IZUMO1: variants seen among roughly 807,000 people sequenced by gnomAD.
IZUMO1 encodes izumo sperm-oocyte fusion 1, also known as izumo sperm-egg fusion protein 1.
In IZUMO1, 44 loss-of-function variants were observed where a neutral mutation model predicts 40.7. The observed-to-expected ratio is 1.08, with a 90% CI of 0.85 to 1.39. IZUMO1 has a LOEUF of 1.39. IZUMO1 is among the 40% of genes most tolerant of loss of function. IZUMO1 has a pLI of 0.00. For synonymous variants in IZUMO1, 149 were observed against 170.9 expected, an observed-to-expected ratio of 0.87 and a Z score of 1.00; for missense variants, 368 against 436.9, an observed-to-expected ratio of 0.84 and a Z score of 1.41.
chr19:48,742,540 G>A (rs1303597234), intron 6 of IZUMO1, among the ~76,000 whole-genome samples: 2 of 151,810 alleles, frequency 1.3e-5, no homozygotes, highest in Non-Finnish European at 2.9e-5. Flanking sequence ...TAGAGATGGG[G>A]TTTCACCATA....
intron 4 of IZUMO1, 49 bp downstream of exon 4, chr19:48,744,404 G>A (rs780675327): frequency 2.1e-6 from 3 of 1,441,142 alleles, no homozygotes; most frequent in Non-Finnish European, 2.9e-6. Flanking sequence ...AAGGACTCTT[G>A]GATAGTGGAA....
intron 4 of IZUMO1, 107 bp downstream of exon 4, chr19:48,744,346 G>T: frequency 8.3e-7 from 1 of 1,204,064 alleles, no homozygotes; most frequent in Non-Finnish European, 1.2e-6. Context: ...GGAGGAGGCA[G>T]TTGGGGAAGC....
chr19:48,743,369 G>T, intron 6 of IZUMO1, 76 bp downstream of exon 6: 1 of 1,414,388 alleles, frequency 7.1e-7, no homozygotes, highest in Non-Finnish European at 9.9e-7. Context: ...CCCCCATCTA[G>T]GCTCTCTCTA....
rs756332930 is a variant in IZUMO1 at position 48,745,297 on chromosome 19, G to A, written c.236-9C>T. ...TTGCAGTGTGGCCTCATCTGTCAGA[G>A]GAGATATAACCCCAGATTCCAGCCT... On this transcript the variant is annotated splice_polypyrimidine_tract_variant and intron_variant, in intron 2 of 9. Coordinates refer to ENST00000332955, the MANE Select transcript of IZUMO1 (RefSeq NM_182575.3). 1 of 1,611,694 alleles carries A rather than the reference G, an allele frequency of 6.2e-7. No homozygotes were observed. Among genetic ancestry groups the A allele is most frequent in the Non-Finnish European group, 8.5e-7 (1 of 1,177,800 alleles).
intron 2 of IZUMO1, 51 bp from the exon 3 acceptor site, chr19:48,745,339 C>A: frequency 1.3e-6 from 2 of 1,523,202 alleles, no homozygotes; most frequent in Non-Finnish European, 1.8e-6. Context: ...CTCATTGGCG[C>A]GCCTAATCTT....
intron 1 of IZUMO1, chr19:48,746,223 A>C (rs1003571267): frequency 7.5e-6 from 8 of 1,072,728 alleles, no homozygotes; most frequent in Admixed American, 9.7e-5. Context: ...GCCCCTTCCC[A>C]AAATCCCAAA....
At position 48,741,101 on chromosome 19, in the gene IZUMO1, C is replaced by T; in HGVS notation, c.933-73G>A. ...ATTGTGTGGGGGACACCCCTCCCAACCTCCCCCTTTGTGACCTTATTCTAG... is the reference window on the plus strand; with the variant it reads ...ATTGTGTGGGGGACACCCCTCCCAATCTCCCCCTTTGTGACCTTATTCTAG... On this transcript the variant is annotated intron_variant, in intron 9 of 9. Transcript: ENST00000332955. This position sits in a 1 kb window ranked among gnomAD's most constrained non-coding sequence, Gnocchi z 4.4. 7.5e-6 allele frequency: 12 copies of T among 1,594,254 alleles called. No individual in the cohort carries two copies. Among genetic ancestry groups the T allele is most frequent in the Non-Finnish European group, 1.0e-5 (12 of 1,166,746 alleles).
At position 48,745,197 on chromosome 19, in the gene IZUMO1, C is replaced by A; in HGVS notation, c.310+17G>T. On this transcript the variant is annotated intron_variant, in intron 3 of 9. Transcript: ENST00000332955. ...TCTCTGAGAGATTCGGGACTCCCAC[C>A]CCCTTGATGCATTTACCTTTTACAT... 1 of 1,606,638 alleles carries A rather than the reference C, an allele frequency of 6.2e-7. No homozygotes were observed. Among genetic ancestry groups the A allele is most frequent in the Non-Finnish European group, 8.5e-7 (1 of 1,173,264 alleles).
chr19:48,743,817 C>T, intron 5 of IZUMO1: 1 of 490,062 alleles, frequency 2.0e-6, no homozygotes, highest in South Asian at 2.3e-5. Context: ...ATGGTGAAAC[C>T]CCGTCTCTGC....
chr19:48,741,094 C>A lies in IZUMO1; in HGVS notation c.933-66G>T. On this transcript the variant is annotated intron_variant, in intron 9 of 9. Coordinates refer to ENST00000332955, the MANE Select transcript of IZUMO1 (RefSeq NM_182575.3). This position sits in a 1 kb window ranked among gnomAD's most constrained non-coding sequence, Gnocchi z 4.4. ...GGTACTAATTGTGTGGGGGACACCC[C>A]TCCCAACCTCCCCCTTTGTGACCTT... 3.1e-6 allele frequency: 5 copies of A among 1,597,884 alleles called. No homozygotes were observed. The highest frequency in any genetic ancestry group is 4.3e-6 in the Non-Finnish European group (5 of 1,169,286).
intron 5 of IZUMO1, 126 bp from the exon 6 acceptor site, chr19:48,743,651 C>A: frequency 1.4e-6 from 1 of 738,350 alleles, no homozygotes; most frequent in South Asian, 1.5e-5. Context: ...AGGCACAGGA[C>A]CAGGACGCAG....
Position 48,740,987 on chromosome 19 carries a change from G to A in IZUMO1, c.974C>T (p.Ser325Leu). 6.2e-7 allele frequency: 1 copy of A among 1,614,164 alleles called. No homozygotes were observed. Among genetic ancestry groups the A allele is most frequent in the Non-Finnish European group, 8.5e-7 (1 of 1,180,012 alleles). ...CGCTCCACTGCCAAGGCCAAACAGT[G>A]AGGATTTGATGAAATCGATCACCTT... is the stretch of plus-strand genomic sequence containing the variant. The part of the protein sequence containing the change: ...RRKVIDFIKS[S>L]LFGLGSGAAE... Residue 325 changes from serine to leucine, a missense_variant, in exon 10 of 10, where the codon TCA becomes TTA. Transcript: ENST00000332955. This position sits in a 1 kb window ranked among gnomAD's most constrained non-coding sequence, Gnocchi z 5.5.
At chr19:48,743,661 G>A in intron 5 of IZUMO1, 136 bp from the exon 6 acceptor site, 1 of 697,804 alleles carries the variant, frequency 1.4e-6, no homozygotes, top group Non-Finnish European at 2.6e-6. Flanking sequence ...CCAGGACGCA[G>A]GTAAGTAGTA....
intron 6 of IZUMO1, 172 bp downstream of exon 6, chr19:48,743,273 G>A (rs1440649169): frequency 2.1e-5 from 13 of 617,622 alleles, no homozygotes; most frequent in Middle Eastern, 4.3e-4. Flanking sequence ...CAATCCTCCC[G>A]TCTCAGCCTC....
chr19:48,741,267 A>G lies in IZUMO1; in HGVS notation c.932+34T>C. ...TCCTGGAAGCCCCGCCCCTTACTCC[A>G]AGCCAAGCCTGTCTTCTTCAATGGG... is the stretch of plus-strand genomic sequence containing the variant. On this transcript the variant is annotated intron_variant, in intron 9 of 9. Coordinates refer to ENST00000332955, the MANE Select transcript of IZUMO1 (RefSeq NM_182575.3). This position sits in a 1 kb window ranked among gnomAD's most constrained non-coding sequence, Gnocchi z 4.4. 6.5e-7 allele frequency: 1 copy of G among 1,548,056 alleles called. No individual in the cohort carries two copies. Among genetic ancestry groups the G allele is most frequent in the Non-Finnish European group, 8.7e-7 (1 of 1,147,806 alleles).
At chr19:48,742,711 T>G (rs1416871613) in intron 6 of IZUMO1, among the ~76,000 whole-genome samples, 1 of 148,220 alleles carries the variant, frequency 6.7e-6, no homozygotes, top group African/African-American at 2.5e-5. Context: ...CTTTTCTCTT[T>G]TCTTTCTCTC....
rs778368561 is a variant in IZUMO1, at chr19:48,740,925, C to A, written c.1036G>T (p.Asp346Tyr). 3.7e-5 allele frequency: 60 copies of A among 1,614,094 alleles called. No individual in the cohort carries two copies. The highest frequency in any genetic ancestry group is 2.5e-6 in the Non-Finnish European group (3 of 1,180,038). ...QTQVPKEKAT[D>Y]SRQQ ...ATAAATCTTTATTGTTGCCTCGAAT[C>A]TGTGGCCTTTTCTTTTGGGACCTGG... Residue 346 changes from aspartate (D) to tyrosine (Y), a missense_variant, in exon 10 of 10, where the codon GAT becomes TAT. By Grantham distance (160) the Asp-to-Tyr change is radical. Coordinates refer to ENST00000332955, the MANE Select transcript of IZUMO1 (RefSeq NM_182575.3). The surrounding 1 kb of genome is among the most constrained non-coding windows in gnomAD (Gnocchi z 5.5).
chr19:48,745,758 CT>C lies in IZUMO1; in HGVS notation c.101del (p.Lys34SerfsTer20). On this transcript the variant is annotated frameshift_variant, in exon 2 of 10. Transcript: ENST00000332955. LOFTEE classifies it high-confidence loss of function. ...ICDPSVVLAL[K>X]SLEKDYLPGH... ...CAGGCAGGTAATCTTTCTCCAGGGA[CT>C]TTAGCGCCAGCACGACAGACGGGTC... is the stretch of plus-strand genomic sequence containing the variant. 1 of 1,614,210 alleles carries C rather than the reference CT, an allele frequency of 6.2e-7. No homozygotes were observed. The highest frequency in any genetic ancestry group is 8.5e-7 in the Non-Finnish European group (1 of 1,180,044).
chr19:48,742,727 T>C (rs1317369603), intron 6 of IZUMO1, among the ~76,000 whole-genome samples: 9 of 136,548 alleles, frequency 6.6e-5, no homozygotes, highest in South Asian at 4.8e-4. Flanking sequence ...CTCTCTCTCT[T>C]TTTTTTTTTT....
Sources: allele counts gnomAD v4.1 joint callset (sites outside exome capture counted in the v4.1 genomes callset), GRCh38; gene constraint gnomAD v4.1.1; non-coding constraint Gnocchi (gnomAD v3.1); transcripts MANE v1.5; gene names NCBI Gene and HGNC (gene_info 2026-07-23, HGNC 2026-07-21).